FAM117A: variants seen among roughly 807,000 people sequenced by gnomAD.
FAM117A encodes the protein protein FAM117A.
Under a neutral mutation model 44.1 loss-of-function variants are expected in FAM117A, and 21 were observed. That is an observed-to-expected ratio of 0.48 (90% CI 0.34 to 0.69). The LOEUF (loss-of-function observed/expected upper bound fraction) is 0.69, where lower values mean the gene tolerates loss of function less well. FAM117A is among the 30% of genes least tolerant of loss of function. FAM117A has a pLI of 0.01. For missense variants in FAM117A, 498 were observed against 589.9 expected (o/e 0.84, Z 1.61); for synonymous variants, 220 against 238.3 (o/e 0.92, Z 0.71).
intron 1 of FAM117A, among the ~76,000 whole-genome samples, chr17:49,751,632 A>G (rs748352957): frequency 3.9e-5 from 6 of 151,942 alleles, no homozygotes; most frequent in Admixed American, 1.3e-4. Flanking sequence ...TTCACACAGC[A>G]TATGGTTATT....
In FAM117A at chr17:49,711,535, G is replaced by C; in HGVS notation, c.1082C>G (p.Ala361Gly). The stretch of plus-strand genomic sequence containing the variant: ...CTTGTCAGGACAGGAAGTCAGGAAG[G>C]CCAGGTCAGGACCTGGAGACCTGGA... ...EEATSPGPDL[A>G]FLTSCPDKNK... Residue 361 changes from alanine to glycine, a missense_variant, in exon 8 of 8, where the codon GCC becomes GGC. Coordinates refer to ENST00000240364, the MANE Select transcript of FAM117A (RefSeq NM_030802.4). The C allele has an allele frequency of 1.9e-6, 3 of 1,613,980 alleles. No homozygotes were observed. Among genetic ancestry groups the C allele is most frequent in the Non-Finnish European group, 2.5e-6 (3 of 1,180,018 alleles).
chr17:49,757,901 A>G (rs2073705153), intron 1 of FAM117A, among the ~76,000 whole-genome samples: 1 of 152,188 alleles, frequency 6.6e-6, no homozygotes, highest in South Asian at 2.1e-4. Flanking sequence ...GAAGGGTAAC[A>G]TGCATCTCAA....
intron 1 of FAM117A, among the ~76,000 whole-genome samples, chr17:49,784,785 T>C (rs1011622826): frequency 6.6e-6 from 1 of 152,210 alleles, no homozygotes; most frequent in African/African-American, 2.4e-5. Context: ...TACTCTACAG[T>C]GTTTTGTAAG....
intron 1 of FAM117A, among the ~76,000 whole-genome samples, chr17:49,758,496 C>T (rs1385536687): frequency 6.7e-6 from 1 of 149,150 alleles, no homozygotes; most frequent in Non-Finnish European, 1.5e-5. Context: ...TGGTGGTGGG[C>T]ACCTGTGGTC....
In FAM117A at chr17:49,717,691, G is replaced by A. The variant is rs2073511616; in HGVS notation, c.732C>T (p.His244=). ...CACTCTGGGGAGGAGCTGGGGCCCG[G>A]TGCCCATCAGGGATATCAAGGATCT... is the stretch of plus-strand genomic sequence containing the variant. ...LLRILDIPDG[H]RAPAPPQSGS... is the part of the protein sequence containing the mutation. Residue 244 remains histidine, a synonymous_variant, in exon 6 of 8, where the codon CAC becomes CAT. Transcript: ENST00000240364. The A allele has an allele frequency of 2.5e-6, 4 of 1,611,436 alleles. No homozygotes were observed. Among genetic ancestry groups the A allele is most frequent in the Non-Finnish European group, 3.4e-6 (4 of 1,178,266 alleles).
chr17:49,716,468 TA>T (rs1262557824), intron 6 of FAM117A, among the ~76,000 whole-genome samples, 153 bp from the exon 7 acceptor site: 3 of 152,182 alleles, frequency 2.0e-5, no homozygotes, highest in Non-Finnish European at 4.4e-5. Flanking sequence ...TACTCTACCT[TA>T]AAAACCTTTG....
chr17:49,788,648 G>GAAGGAAA (rs2073837928), upstream of FAM117A: 2 of 538,944 alleles, frequency 3.7e-6, no homozygotes, highest in Non-Finnish European at 6.4e-6. Flanking sequence ...AGCCGGAAGT[G>GAAGGAAA]AAGGAAAAAG....
intron 1 of FAM117A, among the ~76,000 whole-genome samples, chr17:49,760,971 T>C (rs536922194): frequency 7.8e-4 from 119 of 152,234 alleles, no homozygotes; most frequent in Non-Finnish European, 1.5e-3. Context: ...CCCAGGTTCA[T>C]AAAAATGAAG....
chr17:49,726,858 T>C (rs1221723258), intron 2 of FAM117A, among the ~76,000 whole-genome samples: 2 of 151,906 alleles, frequency 1.3e-5, no homozygotes, highest in Non-Finnish European at 2.9e-5. Flanking sequence ...TGCATATCTG[T>C]AGTCCCAGCT....
chr17:49,723,937 A>G (rs1371369018), intron 2 of FAM117A, among the ~76,000 whole-genome samples: 1 of 152,166 alleles, frequency 6.6e-6, no homozygotes, highest in African/African-American at 2.4e-5. Flanking sequence ...AGGAGTCTAC[A>G]AATGCTAAAT....
At chr17:49,774,927 C>T (rs2073771670) in intron 1 of FAM117A, among the ~76,000 whole-genome samples, 1 of 152,066 alleles carries the variant, frequency 6.6e-6, no homozygotes, top group Non-Finnish European at 1.5e-5. Flanking sequence ...AGGTACAGTG[C>T]CTTGGAAGGG....
chr17:49,724,387 T>A (rs2143714908), intron 2 of FAM117A: 2 of 456,296 alleles, frequency 4.4e-6, no homozygotes. Flanking sequence ...GAAGATACTG[T>A]ACTCACAGGT....
chr17:49,712,642 C>G (rs562652040), intron 7 of FAM117A, among the ~76,000 whole-genome samples: 6 of 152,202 alleles, frequency 3.9e-5, no homozygotes, highest in Non-Finnish European at 7.4e-5. Context: ...TCCTGAGTAG[C>G]TGGGACTACA....
At chr17:49,714,763 C>G (rs1567825025) in intron 7 of FAM117A, among the ~76,000 whole-genome samples, 1 of 152,002 alleles carries the variant, frequency 6.6e-6, no homozygotes, top group Non-Finnish European at 1.5e-5. Flanking sequence ...TCTCCTGCCT[C>G]AGCCTCCTGA....
intron 1 of FAM117A, among the ~76,000 whole-genome samples, chr17:49,772,327 G>T (rs1399042689): frequency 1.3e-5 from 2 of 151,976 alleles, no homozygotes; most frequent in African/African-American, 4.8e-5. Context: ...TCCAGTTCAA[G>T]CTGGGTGCGG....
chr17:49,753,755 G>A (rs1311087425), intron 1 of FAM117A, among the ~76,000 whole-genome samples: 1 of 152,202 alleles, frequency 6.6e-6, no homozygotes, highest in Non-Finnish European at 1.5e-5. Context: ...CTGCACTCCA[G>A]CCTGGGTAAC....
At chr17:49,726,413 T>G (rs183635068) in intron 2 of FAM117A, among the ~76,000 whole-genome samples, 48 of 152,258 alleles carry the variant, frequency 3.2e-4, no homozygotes, top group Middle Eastern at 3.4e-3. Flanking sequence ...GGTTTCACCA[T>G]GTTGGTCAGG....
rs114334999 is a variant in FAM117A, at chr17:49,711,348, T to C, written c.1269A>G (p.Glu423=). The change falls in exon 8 of 8, where the codon GAA becomes GAG. Residue 423 remains glutamate, a synonymous_variant. Coordinates refer to ENST00000240364, the MANE Select transcript of FAM117A (RefSeq NM_030802.4). The part of the protein sequence containing the change: ...SPRPPPRKDP[E]ASKASPLPFE... ...ATGGCAGTGGGGAGGCCTTGGAGGC[T>C]TCCGGATCCTTCCGAGGTGGTGGCC... 2.6e-3 allele frequency: 4,196 copies of C among 1,609,472 alleles called. 117 individuals carry two copies. The African/African-American group carries it at 0.049, about 19-fold the overall frequency.
chr17:49,722,728 G>A (rs193142253), intron 2 of FAM117A, 134 bp from the exon 3 acceptor site: 404 of 668,764 alleles, frequency 6.0e-4, no homozygotes, highest in Non-Finnish European at 8.7e-4. Flanking sequence ...AACACTCCCA[G>A]TCGGTGTTCT....
Sources: gnomAD v4.1 joint callset for allele counts (sites outside exome capture counted in the v4.1 genomes callset) on GRCh38, gnomAD v4.1.1 for gene constraint, MANE v1.5 for transcripts, NCBI Gene and HGNC (gene_info 2026-07-23, HGNC 2026-07-21) for gene names.